The following TMPRSS4 variants were observed in gnomAD, a reference collection of about 807,000 sequenced individuals.
TMPRSS4 encodes transmembrane protease serine 4.
In TMPRSS4, 45 loss-of-function variants were observed where a neutral mutation model predicts 56.4. The ratio of observed to expected loss-of-function variants is 0.80; its 90% CI spans 0.63 to 1.02. The LOEUF is 1.02. TMPRSS4 is among the 50% of genes least tolerant of loss of function. TMPRSS4 has a pLI of 0.00. For missense variants in TMPRSS4, 546 were observed against 556.7 expected (o/e 0.98, Z 0.19); for synonymous variants, 205 against 211.0 (o/e 0.97, Z 0.25).
chr11:118,102,240 C>G (rs1456438720), intron 3 of TMPRSS4, among the ~76,000 whole-genome samples: 2 of 152,116 alleles, frequency 1.3e-5, no homozygotes, highest in Non-Finnish European at 2.9e-5. Flanking sequence ...AGTTCTTTCA[C>G]CCAGGTAAAA....
intron 2 of TMPRSS4, among the ~76,000 whole-genome samples, chr11:118,098,597 G>A (rs1428800291): frequency 2.0e-5 from 3 of 152,192 alleles, no homozygotes; most frequent in Non-Finnish European, 4.4e-5. Flanking sequence ...AGCTAAGTCA[G>A]GAGGTCAGGA....
chr11:118,124,308 C>T (rs1356518226), downstream of TMPRSS4, among the ~76,000 whole-genome samples: 8 of 152,172 alleles, frequency 5.3e-5, no homozygotes, highest in East Asian at 1.5e-3. Flanking sequence ...TTGCTTGAAC[C>T]CGGGAGGCGG....
chr11:118,105,103 C>A (rs901432112), intron 5 of TMPRSS4, among the ~76,000 whole-genome samples: 1 of 151,742 alleles, frequency 6.6e-6, no homozygotes, highest in Non-Finnish European at 1.5e-5. Context: ...ACACACACTT[C>A]TAGCGTCTAT....
rs1410156197 is a variant in TMPRSS4 at position 118,099,116 on chromosome 11, C to A, written c.157+18C>A. 4 of 1,601,468 alleles carry A rather than the reference C, an allele frequency of 2.5e-6. No individual in the cohort carries two copies. Among genetic ancestry groups the A allele is most frequent in the Non-Finnish European group, 3.4e-6 (4 of 1,168,890 alleles). On this transcript the variant is annotated intron_variant, in intron 3 of 12. Transcript: ENST00000437212. Reference sequence around the variant, plus strand: ...TGTCCTCAGTAAGTGACAGCCCGTACCCGACTTTCACCCTCTAAGTAAATG... The same window carrying A: ...TGTCCTCAGTAAGTGACAGCCCGTAACCGACTTTCACCCTCTAAGTAAATG...
At chr11:118,085,703 C>A (rs1433805823) in intron 1 of TMPRSS4, among the ~76,000 whole-genome samples, 1 of 152,202 alleles carries the variant, frequency 6.6e-6, no homozygotes, top group East Asian at 1.9e-4. Context: ...ATGGCAAACC[C>A]ATGAGGGTCC....
intron 3 of TMPRSS4, among the ~76,000 whole-genome samples, chr11:118,099,610 T>C (rs1221373792): frequency 6.6e-6 from 1 of 152,142 alleles, no homozygotes; most frequent in African/African-American, 2.4e-5. Flanking sequence ...TGACTTCTTC[T>C]AGAGGGAGAG....
downstream of TMPRSS4, among the ~76,000 whole-genome samples, chr11:118,123,532 T>A (rs915694050): frequency 1.3e-5 from 2 of 152,172 alleles, no homozygotes; most frequent in Admixed American, 1.3e-4. Flanking sequence ...ATGTCTTTTT[T>A]TTTGAGACGG....
At chr11:118,104,902 T>G (rs780403122) in intron 5 of TMPRSS4, 82 bp downstream of exon 5, 15 of 1,419,184 alleles carry the variant, frequency 1.1e-5, no homozygotes, top group Non-Finnish European at 1.4e-5. Context: ...TCTTCTCTCT[T>G]TCCTAAAAAT....
In TMPRSS4 at chr11:118,116,288, C is replaced by T. The variant is rs1285849507; in HGVS notation, c.1152+1008C>T. On this transcript the variant is annotated intron_variant, in intron 11 of 12. Transcript: ENST00000437212. ...TTCATTAAAACCCCTACCCTACTCT[C>T]ACCTCCATTTCCAGTCATTAAATTC... is the stretch of plus-strand genomic sequence containing the variant. 5.9e-5 allele frequency among the ~76,000 whole-genome samples: 9 copies of T among 152,268 alleles called. No individual in the cohort carries two copies. In the East Asian group the frequency reaches 1.7e-3, roughly 29 times the overall value.
intron 1 of TMPRSS4, among the ~76,000 whole-genome samples, chr11:118,091,080 G>A (rs571309485): frequency 6.6e-6 from 1 of 152,244 alleles, no homozygotes; most frequent in African/African-American, 2.4e-5. Flanking sequence ...ACAGGAAAGG[G>A]CCCACTTCCC....
chr11:118,118,015 C>T lies in TMPRSS4; in HGVS notation c.*102C>T. 6.3e-7 allele frequency: 1 copy of T among 1,598,348 alleles called. No individual in the cohort carries two copies. The highest frequency in any genetic ancestry group is 8.5e-7 in the Non-Finnish European group (1 of 1,175,486). On this transcript the variant is annotated 3_prime_UTR_variant, in exon 13 of 13. Transcript: ENST00000437212. ...CAGAGCAAGAGTCCCCTTGGGTACACCCCTCTGCCCACAGCCTCAGCATTT... is the reference window on the plus strand; with the variant it reads ...CAGAGCAAGAGTCCCCTTGGGTACATCCCTCTGCCCACAGCCTCAGCATTT...
intron 11 of TMPRSS4, 71 bp from the exon 12 acceptor site, chr11:118,117,234 G>A (rs983836421): frequency 1.3e-6 from 2 of 1,512,662 alleles, no homozygotes; most frequent in Non-Finnish European, 1.8e-6. Context: ...GGCCAGTTCA[G>A]GGAGCAGAGA....
intron 7 of TMPRSS4, among the ~76,000 whole-genome samples, chr11:118,111,180 G>T (rs1335557121): frequency 1.3e-5 from 2 of 152,210 alleles, no homozygotes; most frequent in Admixed American, 6.5e-5. Context: ...TGGGTGGAGA[G>T]GGGGGACCTG....
intron 7 of TMPRSS4, among the ~76,000 whole-genome samples, chr11:118,109,220 G>T (rs145111408): frequency 6.6e-6 from 1 of 152,144 alleles, no homozygotes; most frequent in East Asian, 1.9e-4. Context: ...CCCTGGTCCG[G>T]GCCCACATAG....
Position 118,119,302 on chromosome 11 carries a change from C to A in TMPRSS4, c.*1389C>A. On this transcript the variant is annotated 3_prime_UTR_variant, in exon 13 of 13. Coordinates refer to ENST00000437212, the MANE Select transcript of TMPRSS4 (RefSeq NM_019894.4). Reference sequence around the variant, plus strand: ...TGAAGACAAGGGAGCTGAACCAGGGCTCCTACATGAAGCAGGGATAACTGA... The same window carrying A: ...TGAAGACAAGGGAGCTGAACCAGGGATCCTACATGAAGCAGGGATAACTGA... 2 of 985,432 alleles carry A rather than the reference C, an allele frequency of 2.0e-6. No individual in the cohort carries two copies. The highest frequency in any genetic ancestry group is 2.4e-6 in the Non-Finnish European group (2 of 829,932). 61.0% of individuals were successfully genotyped at this position (985,432 alleles called of 1,614,324 possible).
chr11:118,103,399 T>TTTG, intron 4 of TMPRSS4, 146 bp downstream of exon 4: 43 of 1,162,336 alleles, frequency 3.7e-5, no homozygotes, highest in South Asian at 8.8e-5. Flanking sequence ...TTTGTTGTTG[T>TTTG]TTTGAGGCAG....
chr11:118,117,338 G>C lies in TMPRSS4; in HGVS notation c.1186G>C (p.Asp396His). 6.2e-7 allele frequency: 1 copy of C among 1,614,172 alleles called. No homozygotes were observed. ...DSGGPLMYQS[D>H]QWHVVGIVSW... ...TGGTGGGCCCCTGATGTACCAATCTGACCAGTGGCATGTGGTGGGCATCGT... is the reference window on the plus strand; with the variant it reads ...TGGTGGGCCCCTGATGTACCAATCTCACCAGTGGCATGTGGTGGGCATCGT... Residue 396 changes from aspartate (D) to histidine (H), a missense_variant, in exon 12 of 13, where the codon GAC becomes CAC. Coordinates refer to ENST00000437212, the MANE Select transcript of TMPRSS4 (RefSeq NM_019894.4).
At chr11:118,094,390 A>G (rs1080619) in intron 1 of TMPRSS4, among the ~76,000 whole-genome samples, 43,668 of 152,136 alleles carry the variant, frequency 0.29, 6,796 homozygotes, top group Middle Eastern at 0.36. Context: ...CCTGATAAGT[A>G]ATGATATTAA....
intron 7 of TMPRSS4, among the ~76,000 whole-genome samples, chr11:118,110,944 A>T (rs1177071533): frequency 1.3e-5 from 2 of 152,236 alleles, no homozygotes; most frequent in African/African-American, 4.8e-5. Context: ...GAGACTTTAT[A>T]TGAAACAGCA....
Sources: gnomAD v4.1 joint callset for allele counts (sites outside exome capture counted in the v4.1 genomes callset) on GRCh38, gnomAD v4.1.1 for gene constraint, MANE v1.5 for transcripts, NCBI Gene and HGNC (gene_info 2026-07-23, HGNC 2026-07-21) for gene names.